Variants in UBE2E2 observed in about 807,000 individuals in gnomAD.
UBE2E2 encodes the protein ubiquitin conjugating enzyme E2 E2.
UBE2E2 carries 6 observed loss-of-function variants against 24.7 expected under a neutral mutation model. That is an observed-to-expected ratio of 0.24 (90% CI 0.13 to 0.48). The LOEUF is 0.48. Ranked by LOEUF, UBE2E2 falls within the 20% of genes least tolerant of loss-of-function variation. UBE2E2 has a pLI of 0.99. For synonymous variants in UBE2E2, 104 were observed against 83.6 expected (o/e 1.24, Z -1.33); for missense variants, 169 against 245.0 (o/e 0.69, Z 2.07).
intron 3 of UBE2E2, among the ~76,000 whole-genome samples, chr3:23,487,924 A>G (rs1699412319): frequency 6.6e-6 from 1 of 152,096 alleles, no homozygotes; most frequent in Admixed American, 6.6e-5. Flanking sequence ...GTTGGCTTCC[A>G]GACAGCGTGG....
At chr3:23,398,386 T>C (rs1362230435) in intron 3 of UBE2E2, among the ~76,000 whole-genome samples, 2 of 151,614 alleles carry the variant, frequency 1.3e-5, no homozygotes, top group African/African-American at 4.9e-5. Flanking sequence ...GTAATCACTA[T>C]GTTTTGGAAT....
intron 5 of UBE2E2, among the ~76,000 whole-genome samples, chr3:23,542,755 CT>C (rs1695421880): frequency 6.6e-6 from 1 of 152,010 alleles, no homozygotes; most frequent in African/African-American, 2.4e-5. Context: ...ATTTGAGGCT[CT>C]TTGCTCTGGG....
intron 4 of UBE2E2, among the ~76,000 whole-genome samples, chr3:23,523,749 A>T (rs1370550994): frequency 6.6e-6 from 1 of 152,076 alleles, no homozygotes; most frequent in East Asian, 1.9e-4. Context: ...AATTAATTTT[A>T]GGGTGTATGT....
chr3:23,455,806 T>A (rs1329636196), intron 3 of UBE2E2, among the ~76,000 whole-genome samples: 1 of 152,196 alleles, frequency 6.6e-6, no homozygotes, highest in Non-Finnish European at 1.5e-5. Context: ...GGATGGCTGC[T>A]CACTGATCAA....
In UBE2E2 at chr3:23,336,533, C is replaced by T. The variant is rs143700204; in HGVS notation, c.227+119221C>T. 7.3e-4 allele frequency among the ~76,000 whole-genome samples: 111 copies of T among 152,294 alleles called. 1 individual carries two copies. The East Asian group carries it at 0.018, about 25-fold the overall frequency. ...GCAGTGACAGAACATCTAAAAATTT[C>T]CAATCACCATCTCCTTTAGACATAC... is the stretch of plus-strand genomic sequence containing the variant. On this transcript the variant is annotated intron_variant, in intron 3 of 5. Transcript: ENST00000396703.
chr3:23,316,520 C>G (rs1694585740), intron 3 of UBE2E2, among the ~76,000 whole-genome samples: 1 of 152,036 alleles, frequency 6.6e-6, no homozygotes, highest in South Asian at 2.1e-4. Flanking sequence ...GTGGTCTCCC[C>G]TCTGCCCCAG....
chr3:23,204,633 G>T (rs1051457829), intron 1 of UBE2E2: 3 of 950,264 alleles, frequency 3.2e-6, no homozygotes, highest in African/African-American at 3.5e-5. Context: ...GTGGGCTGAC[G>T]CTGAAATAGA....
At chr3:23,357,858 A>T (rs1696004394) in intron 3 of UBE2E2, among the ~76,000 whole-genome samples, 1 of 149,380 alleles carries the variant, frequency 6.7e-6, no homozygotes, top group African/African-American at 2.5e-5. Flanking sequence ...ATTTTTTTTG[A>T]CACAAGGTCT....
Position 23,410,764 on chromosome 3 carries a change from A to G in UBE2E2, c.228-88844A>G, listed in dbSNP as rs114058235. 7.5e-3 allele frequency among the ~76,000 whole-genome samples: 1,141 copies of G among 152,290 alleles called. 4 individuals are homozygous for G. Among genetic ancestry groups the G allele is most frequent in the Middle Eastern group, 0.014 (4 of 294 alleles). ...ACATCAAATGTCCCCTACTCTCAAG[A>G]CATTTATAACTGAATGCAGGGTGCA... On this transcript the variant is annotated intron_variant, in intron 3 of 5. Coordinates refer to ENST00000396703, the MANE Select transcript of UBE2E2 (RefSeq NM_152653.4).
At chr3:23,456,182 C>A (rs1238190516) in intron 3 of UBE2E2, among the ~76,000 whole-genome samples, 5 of 152,202 alleles carry the variant, frequency 3.3e-5, no homozygotes, top group African/African-American at 9.6e-5. Flanking sequence ...AAATCAATAT[C>A]TTTAGGCTCC....
intron 3 of UBE2E2, among the ~76,000 whole-genome samples, chr3:23,429,730 G>A (rs1002130963): frequency 3.3e-5 from 5 of 152,160 alleles, no homozygotes; most frequent in Non-Finnish European, 1.5e-5. Flanking sequence ...GAAGAAATTA[G>A]ACTTTCTTCA....
rs569186713 is a variant in UBE2E2 at position 23,341,899 on chromosome 3, G to A, written c.227+124587G>A. 5.3e-5 allele frequency among the ~76,000 whole-genome samples: 8 copies of A among 152,084 alleles called. No individual in the cohort carries two copies. In the East Asian group the frequency reaches 1.5e-3, roughly 29 times the overall value. ...ATGTAAACAATTATGACAAAACCAA[G>A]ACCCAAACCACAAAAGACTTCAAAG... On this transcript the variant is annotated intron_variant, in intron 3 of 5. Transcript: ENST00000396703.
At chr3:23,460,189 C>T (rs1698777388) in intron 3 of UBE2E2, among the ~76,000 whole-genome samples, 1 of 152,196 alleles carries the variant, frequency 6.6e-6, no homozygotes, top group Non-Finnish European at 1.5e-5. Context: ...CAGAGGTCCT[C>T]TGGCACAGAA....
At chr3:23,475,123 C>T (rs35121170) in intron 3 of UBE2E2, among the ~76,000 whole-genome samples, 9,761 of 152,088 alleles carry the variant, frequency 0.064, 478 homozygotes, top group Non-Finnish European at 0.087. Context: ...TGAGTTTCCT[C>T]TTGTCTGGTT....
chr3:23,322,923 A>AT (rs1460653273), intron 3 of UBE2E2, among the ~76,000 whole-genome samples: 3 of 151,936 alleles, frequency 2.0e-5, no homozygotes, highest in African/African-American at 4.8e-5. Context: ...ATATTTATAT[A>AT]TTTTTTCTAT....
intron 3 of UBE2E2, among the ~76,000 whole-genome samples, chr3:23,415,519 G>A (rs1191759356): frequency 1.3e-5 from 2 of 152,124 alleles, no homozygotes; most frequent in Non-Finnish European, 2.9e-5. Context: ...TTTCCTTCCT[G>A]TTATACATGT....
At chr3:23,324,689 T>A (rs1694836522) in intron 3 of UBE2E2, among the ~76,000 whole-genome samples, 1 of 152,092 alleles carries the variant, frequency 6.6e-6, no homozygotes, top group Admixed American at 6.6e-5. Flanking sequence ...CAGGCATTGA[T>A]GACTTATGTA....
intron 3 of UBE2E2, among the ~76,000 whole-genome samples, chr3:23,462,180 A>G (rs187663356): frequency 6.6e-6 from 1 of 152,178 alleles, no homozygotes; most frequent in East Asian, 1.9e-4. Flanking sequence ...ATTGCCTAAC[A>G]CTTTCTGTAC....
chr3:23,357,924 G>T (rs913919295), intron 3 of UBE2E2, among the ~76,000 whole-genome samples: 3 of 152,092 alleles, frequency 2.0e-5, no homozygotes, highest in South Asian at 2.1e-4. Flanking sequence ...CTGCAGCCTC[G>T]ACCTCGTCAA....
Sources: allele counts gnomAD v4.1 joint callset (sites outside exome capture counted in the v4.1 genomes callset), GRCh38; gene constraint gnomAD v4.1.1; transcripts MANE v1.5; gene names NCBI Gene and HGNC (gene_info 2026-07-23, HGNC 2026-07-21).